The following SLC35F1 variants were observed in gnomAD, a reference collection of about 807,000 sequenced individuals.
SLC35F1 encodes chromosome 6 open reading frame 169.
In SLC35F1, 14 loss-of-function variants were observed where a neutral mutation model predicts 48.7. The ratio of observed to expected loss-of-function variants is 0.29; its 90% CI spans 0.19 to 0.45. The LOEUF (loss-of-function observed/expected upper bound fraction) is 0.45, where lower values mean the gene tolerates loss of function less well. Among genes scored for constraint, SLC35F1 ranks in the 20% least tolerant of loss-of-function variants. The probability of loss-of-function intolerance (pLI) is 1.00; values close to 1 mark genes in which losing one functional copy is unlikely to be tolerated. For synonymous variants in SLC35F1, 190 were observed against 202.2 expected, an observed-to-expected ratio of 0.94 and a Z score of 0.51; for missense variants, 404 against 500.0, an observed-to-expected ratio of 0.81 and a Z score of 1.83.
chr6:117,966,601 T>C (rs1051843054), intron 1 of SLC35F1, among the ~76,000 whole-genome samples: 9 of 152,036 alleles, frequency 5.9e-5, no homozygotes, highest in African/African-American at 2.2e-4. Context: ...CGAGGGTCCG[T>C]GGCTTCATTC....
intron 1 of SLC35F1, among the ~76,000 whole-genome samples, chr6:118,144,808 C>G (rs1773948042): frequency 6.6e-6 from 1 of 151,782 alleles, no homozygotes; most frequent in Admixed American, 6.6e-5. Flanking sequence ...GTAAATTGAC[C>G]CTTGTGCAAT....
At chr6:118,200,998 G>A (rs1028651770) in intron 2 of SLC35F1, among the ~76,000 whole-genome samples, 6 of 152,020 alleles carry the variant, frequency 3.9e-5, no homozygotes, top group Admixed American at 2.0e-4. Context: ...CAATCTTCCC[G>A]CCTCAACCTC....
chr6:118,174,907 C>T (rs1347540345), intron 2 of SLC35F1, among the ~76,000 whole-genome samples: 2 of 151,392 alleles, frequency 1.3e-5, no homozygotes, highest in Non-Finnish European at 2.9e-5. Flanking sequence ...AAAAAAACAA[C>T]CCTGTCATCA....
intron 1 of SLC35F1, among the ~76,000 whole-genome samples, chr6:117,962,537 T>C (rs904976732): frequency 6.6e-6 from 1 of 152,100 alleles, no homozygotes; most frequent in South Asian, 2.1e-4. Flanking sequence ...CGTGGGGTCT[T>C]ATATAATCAT....
At chr6:118,239,059 G>GTC (rs147633202) in intron 3 of SLC35F1, among the ~76,000 whole-genome samples, 44 of 148,452 alleles carry the variant, frequency 3.0e-4, no homozygotes, top group African/African-American at 6.9e-4. Flanking sequence ...ATGAGAACAA[G>GTC]TCTCTCTCTC....
intron 1 of SLC35F1, among the ~76,000 whole-genome samples, chr6:117,923,737 A>ATGTACATATG (rs1311856210): frequency 0.013 from 1,228 of 92,804 alleles, 232 homozygotes; most frequent in Admixed American, 0.024. Context: ...ATATGTATAT[A>ATGTACATATG]TACATATATG....
chr6:117,926,698 T>C (rs573074417), intron 1 of SLC35F1, among the ~76,000 whole-genome samples: 2 of 152,242 alleles, frequency 1.3e-5, no homozygotes, highest in East Asian at 3.9e-4. Flanking sequence ...TGTCAGAGGC[T>C]GGAGGAGTAG....
At chr6:118,270,297 G>A (rs894386902) in intron 4 of SLC35F1, among the ~76,000 whole-genome samples, 3 of 152,142 alleles carry the variant, frequency 2.0e-5, no homozygotes, top group Non-Finnish European at 4.4e-5. Flanking sequence ...AAGTCTGGCT[G>A]AAGGAAACTT....
intron 2 of SLC35F1, among the ~76,000 whole-genome samples, chr6:118,186,757 A>G (rs1196130098): frequency 6.6e-6 from 1 of 152,200 alleles, no homozygotes; most frequent in Non-Finnish European, 1.5e-5. Flanking sequence ...AAATGAGGCC[A>G]TAAATGATCC....
intron 3 of SLC35F1, among the ~76,000 whole-genome samples, chr6:118,265,880 T>G (rs1486246655): frequency 1.3e-5 from 2 of 152,160 alleles, no homozygotes; most frequent in Non-Finnish European, 2.9e-5. Flanking sequence ...AACTTGCAGT[T>G]CTATGTGACA....
At chr6:118,270,943 C>T (rs1216031542) in intron 4 of SLC35F1, among the ~76,000 whole-genome samples, 1 of 152,192 alleles carries the variant, frequency 6.6e-6, no homozygotes, top group East Asian at 1.9e-4. Context: ...ATATCCTTCT[C>T]GCCCTTCAAA....
chr6:118,271,573 C>T (rs1449763529), intron 4 of SLC35F1, among the ~76,000 whole-genome samples: 2 of 152,186 alleles, frequency 1.3e-5, no homozygotes, highest in African/African-American at 4.8e-5. Flanking sequence ...TCTTTCAACA[C>T]TCTAGAATAA....
At chr6:118,190,577 C>T (rs770239083) in intron 2 of SLC35F1, among the ~76,000 whole-genome samples, 4 of 152,094 alleles carry the variant, frequency 2.6e-5, no homozygotes, top group South Asian at 2.1e-4. Context: ...GTTTGGTATC[C>T]TCATGGTCAC....
Position 118,151,503 on chromosome 6 carries a change from G to A in SLC35F1, c.174-2942G>A, listed in dbSNP as rs1468396034. 2.6e-5 allele frequency among the ~76,000 whole-genome samples: 4 copies of A among 152,062 alleles called. No individual in the cohort carries two copies. The East Asian group carries it at 7.8e-4, about 29-fold the overall frequency. On this transcript the variant is annotated intron_variant, in intron 1 of 7. Coordinates refer to ENST00000360388, the MANE Select transcript of SLC35F1 (RefSeq NM_001029858.4). ...TCAGTAGATATTATACTTATCTTAG[G>A]CAGTCTTAAAAACCTTTAATTTTTT...
At chr6:118,101,482 G>C (rs1448537613) in intron 1 of SLC35F1, among the ~76,000 whole-genome samples, 2 of 152,220 alleles carry the variant, frequency 1.3e-5, no homozygotes, top group East Asian at 3.8e-4. Flanking sequence ...AGTTAAGCAA[G>C]TCTGCCTCTG....
chr6:117,947,891 A>G (rs1412829668), intron 1 of SLC35F1, among the ~76,000 whole-genome samples: 1 of 152,156 alleles, frequency 6.6e-6, no homozygotes, highest in Non-Finnish European at 1.5e-5. Flanking sequence ...ATGTTACTGG[A>G]TGAAATCTCC....
chr6:118,170,761 A>G (rs1057051580), intron 2 of SLC35F1, among the ~76,000 whole-genome samples: 3 of 152,030 alleles, frequency 2.0e-5, no homozygotes, highest in Admixed American at 1.3e-4. Context: ...AGTTTACTTT[A>G]ATCTTTTAAA....
At chr6:118,126,739 A>G (rs1773632045) in intron 1 of SLC35F1, among the ~76,000 whole-genome samples, 1 of 151,542 alleles carries the variant, frequency 6.6e-6, no homozygotes, top group Admixed American at 6.6e-5. Flanking sequence ...TTCTCTTTGA[A>G]GCAATTGTGA....
At chr6:117,971,020 C>T (rs936199023) in intron 1 of SLC35F1, among the ~76,000 whole-genome samples, 1 of 152,130 alleles carries the variant, frequency 6.6e-6, no homozygotes, top group South Asian at 2.1e-4. Flanking sequence ...CATCATTAAT[C>T]CAAAAGTCCA....
Sources: gnomAD v4.1 joint callset for allele counts (sites outside exome capture counted in the v4.1 genomes callset) on GRCh38, gnomAD v4.1.1 for gene constraint, MANE v1.5 for transcripts, NCBI Gene and HGNC (gene_info 2026-07-23, HGNC 2026-07-21) for gene names.